SYNE1: variants seen among roughly 807,000 people sequenced by gnomAD.
The protein encoded by SYNE1 is nesprin-1.
A neutral mutation model predicts 1,111.0 loss-of-function variants in SYNE1; 616 were observed. That is an observed-to-expected ratio of 0.55 (90% CI 0.52 to 0.59). The LOEUF is 0.59. SYNE1 is among the 20% of genes least tolerant of loss of function. The pLI is 0.00. For synonymous variants in SYNE1, 3,855 were observed against 3,825.8 expected (o/e 1.01, Z -0.28); for missense variants, 10,006 against 10,417.0 (o/e 0.96, Z 1.72).
At chr6:152,132,251 C>A in intron 143 of SYNE1, 37 bp from the exon 144 acceptor site, 1 of 1,588,482 alleles carries the variant, frequency 6.3e-7, no homozygotes, top group Non-Finnish European at 8.6e-7. Flanking sequence ...AACTCCATGT[C>A]CCAGACCCAT....
In SYNE1 at chr6:152,387,142, T is replaced by C; in HGVS notation, c.8417A>G (p.Asp2806Gly). The change falls in exon 54 of 146, where the codon GAT becomes GGT. Residue 2806 changes from aspartate (D) to glycine (G), a missense_variant. Transcript: ENST00000367255. ...TTGAGCTGTGTCCTTGAAAGACTCA[T>C]CCTCTGTCTTTTCGTAGAGCTCCCT... ...KSRELYEKTE[D>G]ESFKDTAQEE... 6.2e-7 allele frequency: 1 copy of C among 1,614,208 alleles called. No individual in the cohort carries two copies. Among genetic ancestry groups the C allele is most frequent in the Non-Finnish European group, 8.5e-7 (1 of 1,180,024 alleles).
rs2097289488 is a variant in SYNE1, at chr6:152,376,782, T to C, written c.9140A>G (p.Tyr3047Cys). Residue 3047 changes from tyrosine to cysteine, a missense_variant, in exon 57 of 146, where the codon TAT becomes TGT. Tyr to Cys is a radical substitution (Grantham distance 194). Transcript: ENST00000367255. ...CAATAAGGTTCATGCTCACCAATTA[T>C]ACTCTTTAATCAAGCCAGAAACTTT... ...SGKVSGLIKEYNCLCLQASKG... is the reference protein window; with the variant it reads ...SGKVSGLIKECNCLCLQASKG... The C allele has an allele frequency of 6.2e-7, 1 of 1,613,938 alleles. No homozygotes were observed. Among genetic ancestry groups the C allele is most frequent in the South Asian group, 1.1e-5 (1 of 91,080 alleles).
chr6:152,133,269 T>A lies in SYNE1; in HGVS notation c.26001+7A>T, dbSNP rs376215168. On this transcript the variant is annotated splice_region_variant and intron_variant, in intron 143 of 145. Transcript: ENST00000367255. ...ATGCTACACGATGATGTCTGTTTAT[T>A]GCTTACCTGCTGACTACTTGACACG... 185 of 1,613,578 alleles carry A rather than the reference T, an allele frequency of 1.1e-4. 1 individual carries two copies. The African/African-American group carries it at 1.9e-3, about 17-fold the overall frequency.
intron 56 of SYNE1, among the ~76,000 whole-genome samples, chr6:152,377,715 T>C (rs1260237168): frequency 2.1e-5 from 3 of 144,740 alleles, no homozygotes; most frequent in Non-Finnish European, 4.5e-5. Flanking sequence ...ATGTTGTATA[T>C]ACAGTTAACT....
At position 152,334,126 on chromosome 6, in the gene SYNE1, T is replaced by G. The variant is rs2096319568; in HGVS notation, c.12676A>C (p.Asn4226His). ...TCTTCCCTTTGCAAGCACAGGTTGT[T>G]AGACTGACGGCACAAATCGAGCCAC... is the stretch of plus-strand genomic sequence containing the variant. The part of the protein sequence containing the change: ...DQWLDLCRQS[N>H]NLCLQREEDL... Residue 4226 changes from asparagine to histidine, a missense_variant, in exon 77 of 146, where the codon AAC becomes CAC. Around this residue, in one of 7 missense-constraint regions of SYNE1, gnomAD observed 4,955 missense variants for 5,017.2 expected, o/e 0.99. Coordinates refer to ENST00000367255, the MANE Select transcript of SYNE1 (RefSeq NM_182961.4). 1.2e-6 allele frequency: 2 copies of G among 1,614,156 alleles called. No homozygotes were observed. Among genetic ancestry groups the G allele is most frequent in the Non-Finnish European group, 1.7e-6 (2 of 1,180,030 alleles).
chr6:152,371,755 G>A (rs114896353), intron 59 of SYNE1, among the ~76,000 whole-genome samples: 3,221 of 99,410 alleles, frequency 0.032, 323 homozygotes, highest in African/African-American at 0.14. Context: ...AGGAGGGGAA[G>A]GGAAGGGGGA....
chr6:152,218,347 C>G lies in SYNE1; in HGVS notation c.22101G>C (p.Trp7367Cys), dbSNP rs2079261502. ...FAKSLEALEAWIVEAEEILQG... is the reference protein window; with the variant it reads ...FAKSLEALEACIVEAEEILQG... Reference sequence around the variant, plus strand: ...GTAGTATTTCTTCAGCTTCCACTATCCAGGCCTCCAAAGCTTCTAAACTCT... The same window carrying G: ...GTAGTATTTCTTCAGCTTCCACTATGCAGGCCTCCAAAGCTTCTAAACTCT... The change falls in exon 121 of 146, where the codon TGG becomes TGC. Residue 7367 changes from tryptophan (W) to cysteine (C), a missense_variant. Physicochemically the swap from Trp to Cys is radical, Grantham distance 215 (BLOSUM62 -2). This residue lies in a region of SYNE1 where 2,182 missense variants were observed against 2,287.8 expected (regional missense o/e 0.95). Transcript: ENST00000367255. The G allele has an allele frequency of 6.2e-7, 1 of 1,613,856 alleles. No individual in the cohort carries two copies. Among genetic ancestry groups the G allele is most frequent in the Admixed American group, 1.7e-5 (1 of 59,980 alleles).
chr6:152,269,009 C>T (rs2092973747), intron 99 of SYNE1, 146 bp downstream of exon 99: 4 of 1,247,898 alleles, frequency 3.2e-6, no homozygotes, highest in African/African-American at 2.9e-5. Context: ...TACACTGAAA[C>T]ACCAACATCT....
At chr6:152,201,213 A>C (rs879708451) in intron 127 of SYNE1, among the ~76,000 whole-genome samples, 6 of 152,176 alleles carry the variant, frequency 3.9e-5, no homozygotes, top group African/African-American at 1.2e-4. Context: ...CATGAATCTT[A>C]TAGCCACTGA....
chr6:152,279,009 A>G (rs1463168331), intron 97 of SYNE1, among the ~76,000 whole-genome samples: 4 of 151,794 alleles, frequency 2.6e-5, no homozygotes, highest in Non-Finnish European at 5.9e-5. Flanking sequence ...GGCTCAAACA[A>G]TGCTCCCACC....
Position 152,466,091 on chromosome 6 carries a change from G to A in SYNE1, c.1633-13C>T, listed in dbSNP as rs749461738. ...TTTCTATAAAAGACTAGAAAAGGAG[G>A]AATGGTTAGAAGATAGCAAACATTA... On this transcript the variant is annotated splice_polypyrimidine_tract_variant and intron_variant, in intron 16 of 145. Coordinates refer to ENST00000367255, the MANE Select transcript of SYNE1 (RefSeq NM_182961.4). 3.3e-6 allele frequency: 5 copies of A among 1,521,334 alleles called. No individual in the cohort carries two copies. In the South Asian group the frequency reaches 5.6e-5, roughly 17 times the overall value. The allele number at this position is 1,521,334 out of a possible 1,614,324, so 94.2% of individuals were successfully genotyped here. A position where few individuals can be genotyped will look rare whatever the true frequency, so the allele number is the denominator to read the frequency against.
At chr6:152,295,748 T>C (rs1317759753) in intron 93 of SYNE1, among the ~76,000 whole-genome samples, 1 of 152,184 alleles carries the variant, frequency 6.6e-6, no homozygotes, top group Non-Finnish European at 1.5e-5. Context: ...CCTTATCTTA[T>C]GCTTTCCAGT....
At chr6:152,469,616 T>G (rs1000660312) in intron 16 of SYNE1, among the ~76,000 whole-genome samples, 3 of 152,186 alleles carry the variant, frequency 2.0e-5, no homozygotes, top group Non-Finnish European at 4.4e-5. Context: ...ATTACATTCT[T>G]TAGATCACTA....
intron 9 of SYNE1, 109 bp downstream of exon 9, chr6:152,505,092 C>T (rs1445999819): frequency 2.4e-6 from 3 of 1,270,596 alleles, no homozygotes; most frequent in Non-Finnish European, 1.1e-6. Context: ...CACTTTTCTC[C>T]AGCTTTCTGG....
chr6:152,399,957 G>A (rs749013699), intron 47 of SYNE1, 134 bp from the exon 48 acceptor site: 50 of 1,025,994 alleles, frequency 4.9e-5, no homozygotes, highest in Middle Eastern at 3.0e-4. Flanking sequence ...ATTTTGGTGC[G>A]TTTTTGAGTA....
At chr6:152,362,439 G>A (rs2096949382) in intron 63 of SYNE1, 116 bp from the exon 64 acceptor site, 1 of 1,432,498 alleles carries the variant, frequency 7.0e-7, no homozygotes, top group Non-Finnish European at 9.7e-7. Flanking sequence ...TCAGGAAGAA[G>A]CTTGCTTGGG....
intron 14 of SYNE1, among the ~76,000 whole-genome samples, chr6:152,476,525 C>T (rs1457934334): frequency 6.6e-6 from 1 of 152,122 alleles, no homozygotes; most frequent in Admixed American, 6.5e-5. Context: ...CCATTCCTAA[C>T]CCAGTCTATT....
chr6:152,437,531 AT>A (rs964685496), intron 32 of SYNE1, among the ~76,000 whole-genome samples: 11 of 152,146 alleles, frequency 7.2e-5, no homozygotes, highest in Non-Finnish European at 1.2e-4. Flanking sequence ...CAATATACTT[AT>A]TTTAAATATT....
At chr6:152,308,106 C>T (rs959919579) in intron 91 of SYNE1, among the ~76,000 whole-genome samples, 1 of 152,128 alleles carries the variant, frequency 6.6e-6, no homozygotes, top group African/African-American at 2.4e-5. Flanking sequence ...GCTGGGATTA[C>T]AGGAGTGAGC....
Sources: gnomAD v4.1 joint callset for allele counts (sites outside exome capture counted in the v4.1 genomes callset) on GRCh38, gnomAD v4.1.1 for gene constraint, gnomAD v4.1.1 regional missense constraint, MANE v1.5 for transcripts, NCBI Gene and HGNC (gene_info 2026-07-23, HGNC 2026-07-21) for gene names.